SIPA1L3: variants seen among roughly 807,000 people sequenced by gnomAD.
The protein encoded by SIPA1L3 is signal induced proliferation associated 1 like 3, also known as signal-induced proliferation-associated 1-like protein 3.
SIPA1L3 carries 59 observed loss-of-function variants against 150.1 expected under a neutral mutation model. The observed-to-expected ratio is 0.39, with a 90% CI of 0.32 to 0.49. The LOEUF is 0.49. Among genes scored for constraint, SIPA1L3 ranks in the 20% least tolerant of loss-of-function variants. SIPA1L3 has a pLI of 0.86. For missense variants in SIPA1L3, 2,211 were observed against 2,489.5 expected, an observed-to-expected ratio of 0.89 and a Z score of 2.38; for synonymous variants, 1,070 against 1,077.6, an observed-to-expected ratio of 0.99 and a Z score of 0.14.
At chr19:38,146,694 T>G (rs1207435706) in intron 12 of SIPA1L3, among the ~76,000 whole-genome samples, 1 of 152,196 alleles carries the variant, frequency 6.6e-6, no homozygotes, top group African/African-American at 2.4e-5. Context: ...AGAGCGTGAG[T>G]GATCCGGGTC....
chr19:38,126,060 G>C (rs1237964921), intron 9 of SIPA1L3, among the ~76,000 whole-genome samples: 1 of 152,164 alleles, frequency 6.6e-6, no homozygotes, highest in Non-Finnish European at 1.5e-5. Flanking sequence ...TGTAGTCCCA[G>C]CTACTCAGGA....
At chr19:38,039,693 C>CAAAAAA (rs60084757) in intron 2 of SIPA1L3, among the ~76,000 whole-genome samples, 1 of 73,546 alleles carries the variant, frequency 1.4e-5, no homozygotes, top group South Asian at 4.7e-4. Context: ...GACTCTGTCT[C>CAAAAAA]AAAAAAAAAA....
At chr19:38,110,414 C>T in intron 8 of SIPA1L3, 30 bp downstream of exon 8, 5 of 1,593,944 alleles carry the variant, frequency 3.1e-6, no homozygotes, top group Middle Eastern at 1.7e-4. Context: ...CCCCCAGCAG[C>T]GTATGGAGAG....
Position 38,198,388 on chromosome 19 carries a change from G to T in SIPA1L3, c.4841-1G>T. 6.5e-7 allele frequency: 1 copy of T among 1,544,426 alleles called. No homozygotes were observed. The highest frequency in any genetic ancestry group is 8.7e-7 in the Non-Finnish European group (1 of 1,147,168). On this transcript the variant is annotated splice_acceptor_variant, in intron 18 of 21. Coordinates refer to ENST00000222345, the MANE Select transcript of SIPA1L3 (RefSeq NM_015073.3). LOFTEE classifies it high-confidence loss of function. ...CTGCCATCTCCACCCTCCCCATCCA[G>T]CCACCATCTCAGCCTCGGAGCTCTC...
At chr19:38,056,306 C>T (rs1337876922) in intron 2 of SIPA1L3, among the ~76,000 whole-genome samples, 1 of 152,258 alleles carries the variant, frequency 6.6e-6, no homozygotes, top group African/African-American at 2.4e-5. Context: ...ATCTCCATGA[C>T]AGCCAGTCGG....
At chr19:38,086,623 C>T (rs1970138502) in intron 3 of SIPA1L3, among the ~76,000 whole-genome samples, 1 of 152,186 alleles carries the variant, frequency 6.6e-6, no homozygotes, top group South Asian at 2.1e-4. Flanking sequence ...GCAGAGGTTG[C>T]AGTGAGCCAT....
In SIPA1L3 at chr19:38,206,852, G is replaced by A. The variant is rs1973229099; in HGVS notation, c.*612G>A. 6.5e-6 allele frequency: 1 copy of A among 152,790 alleles called. No individual in the cohort carries two copies. The highest frequency in any genetic ancestry group is 2.4e-5 in the African/African-American group (1 of 41,448). 9.5% of individuals were successfully genotyped at this position (152,790 alleles called of 1,614,324 possible). A position where few individuals can be genotyped will look rare whatever the true frequency, so the allele number is the denominator to read the frequency against. ...AAAAGCAGCCAGGAGCACTTTCTTA[G>A]AGTTTAAATTATTTTCTTGGGGGCC... is the stretch of plus-strand genomic sequence containing the variant. On this transcript the variant is annotated 3_prime_UTR_variant, in exon 22 of 22. Transcript: ENST00000222345.
At chr19:37,929,771 G>A (rs2046536662) in intron 1 of SIPA1L3, among the ~76,000 whole-genome samples, 1 of 152,174 alleles carries the variant, frequency 6.6e-6, no homozygotes, top group Non-Finnish European at 1.5e-5. Context: ...AGGGGCCAGC[G>A]CATGGTAAGT....
chr19:38,017,964 C>T (rs926518320), intron 1 of SIPA1L3, among the ~76,000 whole-genome samples: 1 of 152,090 alleles, frequency 6.6e-6, no homozygotes, highest in Non-Finnish European at 1.5e-5. Flanking sequence ...GGCCACACAG[C>T]GCCTCGAGCA....
intron 8 of SIPA1L3, among the ~76,000 whole-genome samples, chr19:38,110,797 T>G (rs1034657786): frequency 2.0e-5 from 3 of 152,090 alleles, no homozygotes; most frequent in Non-Finnish European, 2.9e-5. Flanking sequence ...ATGAGAGCTT[T>G]TCTTTCCCAA....
At position 38,182,533 on chromosome 19, in the gene SIPA1L3, G is replaced by A. The variant is rs894732351; in HGVS notation, c.4223G>A (p.Arg1408Lys). The change falls in exon 16 of 22, where the codon AGG (arginine) becomes AAG (lysine). Residue 1408 changes from arginine to lysine, a missense_variant. By Grantham distance (26) the Arg-to-Lys change is conservative. Coordinates refer to ENST00000222345, the MANE Select transcript of SIPA1L3 (RefSeq NM_015073.3). ...TTGCTTTGCAGTGACATGGGCTCGA[G>A]GGTTGGCTACCCCGCTCAGGTTTAC... ...PPRQPSDMGSRVGYPAQVYKT... is the reference protein window; with the variant it reads ...PPRQPSDMGSKVGYPAQVYKT... 15 of 1,609,078 alleles carry A rather than the reference G, an allele frequency of 9.3e-6. No homozygotes were observed. The Admixed American group carries it at 1.0e-4, about 11-fold the overall frequency.
At chr19:38,194,585 C>G (rs1972879466) in intron 18 of SIPA1L3, among the ~76,000 whole-genome samples, 1 of 152,228 alleles carries the variant, frequency 6.6e-6, no homozygotes, top group Admixed American at 6.5e-5. Context: ...TGCACACTTA[C>G]TCTCTCAAAT....
chr19:38,179,916 C>T (rs1370225663), intron 15 of SIPA1L3, among the ~76,000 whole-genome samples: 1 of 152,096 alleles, frequency 6.6e-6, no homozygotes, highest in African/African-American at 2.4e-5. Flanking sequence ...AATCTCAGCT[C>T]ACTGCAACCT....
intron 1 of SIPA1L3, among the ~76,000 whole-genome samples, chr19:37,913,165 G>A (rs2046390001): frequency 6.6e-6 from 1 of 152,182 alleles, no homozygotes; most frequent in Non-Finnish European, 1.5e-5. Context: ...TACCTCGGGG[G>A]TCGCTGGAGA....
At chr19:38,132,137 G>A (rs1379028990) in intron 10 of SIPA1L3, among the ~76,000 whole-genome samples, 1 of 152,116 alleles carries the variant, frequency 6.6e-6, no homozygotes, top group African/African-American at 2.4e-5. Flanking sequence ...CTATTTTCAG[G>A]CTGAGGTGGG....
At chr19:38,140,899 A>G (rs1438507245) in intron 10 of SIPA1L3, among the ~76,000 whole-genome samples, 1 of 151,818 alleles carries the variant, frequency 6.6e-6, no homozygotes, top group Non-Finnish European at 1.5e-5. Flanking sequence ...CTCTACTAAA[A>G]ATACAAAACT....
At chr19:38,049,054 C>T (rs551817598) in intron 2 of SIPA1L3, among the ~76,000 whole-genome samples, 1 of 151,022 alleles carries the variant, frequency 6.6e-6, no homozygotes, top group South Asian at 2.1e-4. Flanking sequence ...TGCACTCCAG[C>T]CTGGGCGACA....
chr19:38,187,283 C>T (rs1238162898), intron 16 of SIPA1L3, among the ~76,000 whole-genome samples: 2 of 151,800 alleles, frequency 1.3e-5, no homozygotes, highest in Admixed American at 1.3e-4. Context: ...GAAACCCCAT[C>T]TCTACTAAAA....
intron 4 of SIPA1L3, among the ~76,000 whole-genome samples, chr19:38,099,419 G>C (rs955445809): frequency 2.6e-5 from 4 of 151,838 alleles, no homozygotes; most frequent in Non-Finnish European, 4.4e-5. Context: ...TTCAAGGCAG[G>C]TGGGTGTTTT....
Sources: gnomAD v4.1 joint callset for allele counts (sites outside exome capture counted in the v4.1 genomes callset) on GRCh38, gnomAD v4.1.1 for gene constraint, MANE v1.5 for transcripts, NCBI Gene and HGNC (gene_info 2026-07-23, HGNC 2026-07-21) for gene names.